Variants in TENM3 observed in about 807,000 individuals in gnomAD.
TENM3 encodes the protein teneurin transmembrane protein 3.
TENM3 carries 63 observed loss-of-function variants against 255.1 expected under a neutral mutation model. The observed-to-expected ratio is 0.25, with a 90% CI of 0.20 to 0.30. TENM3 has a LOEUF of 0.30. TENM3 is among the 10% of genes least tolerant of loss of function. The pLI, the probability that TENM3 is intolerant of heterozygous loss-of-function variation, is 1.00. For synonymous variants in TENM3, 1,306 were observed against 1,322.3 expected (o/e 0.99, Z 0.27); for missense variants, 2,929 against 3,461.1 (o/e 0.85, Z 3.86).
the TENM3 span, among the ~76,000 whole-genome samples, chr4:181,714,164 G>A: frequency 2.0e-5 from 3 of 152,136 alleles, no homozygotes; most frequent in Non-Finnish European, 2.9e-5. Context: ...GGCCAGGTGC[G>A]GTGGCTCATG....
At chr4:182,291,676 C>T (rs1223029596) in intron 1 of TENM3, among the ~76,000 whole-genome samples, 4 of 152,230 alleles carry the variant, frequency 2.6e-5, no homozygotes, top group East Asian at 1.9e-4. Flanking sequence ...ATCACAGAAA[C>T]GAAAGCCAGC....
At chr4:181,947,241 T>A in the TENM3 span, among the ~76,000 whole-genome samples, 1 of 152,240 alleles carries the variant, frequency 6.6e-6, no homozygotes, top group Non-Finnish European at 1.5e-5. Context: ...GATGAGGAAG[T>A]ACTATGCTAC....
intron 4 of TENM3, among the ~76,000 whole-genome samples, chr4:182,604,033 A>G (rs955152948): frequency 2.0e-5 from 3 of 152,134 alleles, no homozygotes; most frequent in African/African-American, 7.2e-5. Flanking sequence ...AAGGCATAAA[A>G]GGATTTTCTA....
At chr4:182,483,765 G>A (rs942580197) in intron 3 of TENM3, among the ~76,000 whole-genome samples, 2 of 152,106 alleles carry the variant, frequency 1.3e-5, no homozygotes, top group Non-Finnish European at 2.9e-5. Flanking sequence ...TATGGCTGGG[G>A]AGGCCTCAAG....
the TENM3 span, among the ~76,000 whole-genome samples, chr4:182,076,818 G>A: frequency 6.6e-5 from 10 of 152,130 alleles, no homozygotes; most frequent in African/African-American, 2.2e-4. Flanking sequence ...AGCCGTAGAC[G>A]AGATGTAAGC....
chr4:182,148,619 T>A (rs1199094719), intron 1 of TENM3, among the ~76,000 whole-genome samples: 1 of 152,082 alleles, frequency 6.6e-6, no homozygotes, highest in East Asian at 1.9e-4. Flanking sequence ...TTTTCAGAGA[T>A]TTCTTAGAAT....
intron 3 of TENM3, among the ~76,000 whole-genome samples, chr4:182,583,965 G>A (rs28528261): frequency 1.4e-3 from 220 of 152,292 alleles, no homozygotes; most frequent in African/African-American, 5.1e-3. Flanking sequence ...TCAAGACAGT[G>A]TGCAAATGTG....
chr4:181,753,446 G>T, the TENM3 span, among the ~76,000 whole-genome samples: 1 of 152,032 alleles, frequency 6.6e-6, no homozygotes, highest in Non-Finnish European at 1.5e-5. Context: ...GCCAGAGTCC[G>T]CGTGGAGCAT....
chr4:182,764,797 G>C (rs35981779), intron 22 of TENM3, among the ~76,000 whole-genome samples: 25,400 of 152,116 alleles, frequency 0.17, 2,638 homozygotes, highest in Non-Finnish European at 0.21. Flanking sequence ...TCTTCCCTCC[G>C]GGGTAGGCGG....
chr4:182,373,842 T>G (rs938707818), intron 3 of TENM3, among the ~76,000 whole-genome samples: 2 of 152,236 alleles, frequency 1.3e-5, no homozygotes, highest in Non-Finnish European at 2.9e-5. Context: ...TAAACTTCTC[T>G]GTTTCTCTCT....
At chr4:182,068,855 C>G in the TENM3 span, among the ~76,000 whole-genome samples, 1 of 152,036 alleles carries the variant, frequency 6.6e-6, no homozygotes, top group East Asian at 1.9e-4. Context: ...AAGATTAAAA[C>G]TTAATGATAA....
At chr4:181,494,392 C>T in the TENM3 span, among the ~76,000 whole-genome samples, 2 of 152,166 alleles carry the variant, frequency 1.3e-5, no homozygotes, top group Non-Finnish European at 2.9e-5. Flanking sequence ...TCAAGTGATT[C>T]TCCTGCCTCA....
At chr4:182,495,362 T>C (rs1735677533) in intron 3 of TENM3, among the ~76,000 whole-genome samples, 1 of 152,214 alleles carries the variant, frequency 6.6e-6, no homozygotes, top group South Asian at 2.1e-4. Flanking sequence ...AATGCTGACC[T>C]AGCCAATCTT....
rs1043934189 is a variant in TENM3, at chr4:182,801,604, G to A, written c.*1253G>A. ...TGCTGGGGAAATAGGAGGAGGAAAG[G>A]TTCTGATGTAGTCGTGATCCTAAAC... is the stretch of plus-strand genomic sequence containing the variant. On this transcript the variant is annotated 3_prime_UTR_variant, in exon 28 of 28. Transcript: ENST00000511685. 6.6e-6 allele frequency: 1 copy of A among 152,260 alleles called. No homozygotes were observed. The highest frequency in any genetic ancestry group is 2.4e-5 in the African/African-American group (1 of 41,448). The allele number at this position is 152,260 out of a possible 1,614,324, so 9.4% of individuals were successfully genotyped here. A position where few individuals can be genotyped will look rare whatever the true frequency, so the allele number is the denominator to read the frequency against.
the TENM3 span, among the ~76,000 whole-genome samples, chr4:181,514,623 G>GT: frequency 2.0e-5 from 3 of 152,146 alleles, no homozygotes; most frequent in African/African-American, 7.2e-5. Context: ...GTGCGAAGGT[G>GT]TGTTAGGGTG....
At chr4:182,774,190 G>T (rs752453195) in intron 23 of TENM3, among the ~76,000 whole-genome samples, 3 of 152,204 alleles carry the variant, frequency 2.0e-5, no homozygotes, top group Middle Eastern at 3.4e-3. Context: ...GAAAAAGCCT[G>T]TCTACAATGA....
At chr4:181,855,928 G>A in the TENM3 span, among the ~76,000 whole-genome samples, 1 of 147,292 alleles carries the variant, frequency 6.8e-6, no homozygotes, top group African/African-American at 2.5e-5. Flanking sequence ...AGGAAAAGAG[G>A]GAGGGAAGGA....
the TENM3 span, among the ~76,000 whole-genome samples, chr4:181,888,522 A>ATG: frequency 7.0e-4 from 65 of 92,606 alleles, 1 homozygote; most frequent in African/African-American, 3.3e-3. Flanking sequence ...ATATGTATAT[A>ATG]TATACATATA....
chr4:181,546,574 C>T, the TENM3 span, among the ~76,000 whole-genome samples: 2 of 140,528 alleles, frequency 1.4e-5, no homozygotes, highest in Admixed American at 7.9e-5. Flanking sequence ...ATTAGCCGGG[C>T]GTGGTGGCGG....
Sources: allele counts gnomAD v4.1 joint callset (sites outside exome capture counted in the v4.1 genomes callset), GRCh38; gene constraint gnomAD v4.1.1; transcripts MANE v1.5; gene names NCBI Gene and HGNC (gene_info 2026-07-23, HGNC 2026-07-21).